Variants in FBXL7 observed in about 807,000 individuals in gnomAD.
FBXL7 encodes F-box/LRR-repeat protein 7.
In FBXL7, 12 loss-of-function variants were observed where a neutral mutation model predicts 38.3. The observed-to-expected ratio is 0.31, with a 90% CI of 0.20 to 0.51. The LOEUF (loss-of-function observed/expected upper bound fraction) is 0.51, where lower values mean the gene tolerates loss of function less well. Among genes scored for constraint, FBXL7 ranks in the 20% least tolerant of loss-of-function variants. The probability of loss-of-function intolerance (pLI) is 0.98; values close to 1 mark genes in which losing one functional copy is unlikely to be tolerated. For missense variants in FBXL7, 567 were observed against 676.4 expected (o/e 0.84, Z 1.79); for synonymous variants, 297 against 300.9 (o/e 0.99, Z 0.13).
chr5:15,616,956 C>A (rs538282793), intron 2 of FBXL7, among the ~76,000 whole-genome samples: 3 of 152,132 alleles, frequency 2.0e-5, no homozygotes, highest in Non-Finnish European at 4.4e-5. Context: ...TGGGATGTTG[C>A]GGAAGCACAC....
chr5:15,859,597 A>G (rs1021332522), intron 2 of FBXL7, among the ~76,000 whole-genome samples: 1 of 152,180 alleles, frequency 6.6e-6, no homozygotes, highest in African/African-American at 2.4e-5. Context: ...GCGGCAGACA[A>G]GAGAGTGTGT....
chr5:15,582,987 T>C (rs988957284), intron 1 of FBXL7, among the ~76,000 whole-genome samples: 9 of 151,746 alleles, frequency 5.9e-5, no homozygotes, highest in African/African-American at 1.9e-4. Context: ...CATACTGCTA[T>C]AAAGAACTTC....
At chr5:15,776,192 A>T (rs914488043) in intron 2 of FBXL7, among the ~76,000 whole-genome samples, 4 of 152,104 alleles carry the variant, frequency 2.6e-5, no homozygotes, top group African/African-American at 9.7e-5. Context: ...GCCGGCCAAC[A>T]TTCGGATTAA....
intron 2 of FBXL7, among the ~76,000 whole-genome samples, chr5:15,901,305 T>A (rs931124036): frequency 1.3e-5 from 2 of 152,218 alleles, no homozygotes; most frequent in Non-Finnish European, 2.9e-5. Context: ...CTTCTGACTG[T>A]GTCTTCACGT....
chr5:15,545,056 T>C (rs1580361997), intron 1 of FBXL7, among the ~76,000 whole-genome samples: 1 of 152,224 alleles, frequency 6.6e-6, no homozygotes, highest in African/African-American at 2.4e-5. Flanking sequence ...GTGGAGGTGC[T>C]GTCTCCCTGC....
At chr5:15,804,601 G>T (rs191869478) in intron 2 of FBXL7, among the ~76,000 whole-genome samples, 3 of 152,120 alleles carry the variant, frequency 2.0e-5, no homozygotes, top group Non-Finnish European at 4.4e-5. Flanking sequence ...CCCCTAGGCC[G>T]CAGACCAGTA....
At chr5:15,730,100 G>T (rs1372027585) in intron 2 of FBXL7, among the ~76,000 whole-genome samples, 1 of 152,056 alleles carries the variant, frequency 6.6e-6, no homozygotes, top group Non-Finnish European at 1.5e-5. Flanking sequence ...TGGCCAGGAA[G>T]ATATATGCCC....
chr5:15,543,268 G>C (rs935349516), intron 1 of FBXL7, among the ~76,000 whole-genome samples: 1 of 152,136 alleles, frequency 6.6e-6, no homozygotes, highest in Non-Finnish European at 1.5e-5. Flanking sequence ...CGTCTTACAT[G>C]GTGGCAGACA....
chr5:15,785,982 A>G (rs973652693), intron 2 of FBXL7, among the ~76,000 whole-genome samples: 1 of 152,236 alleles, frequency 6.6e-6, no homozygotes, highest in African/African-American at 2.4e-5. Context: ...ACAGTATTCA[A>G]ATTGGAATGG....
At chr5:15,788,953 C>T (rs1373674234) in intron 2 of FBXL7, among the ~76,000 whole-genome samples, 1 of 151,536 alleles carries the variant, frequency 6.6e-6, no homozygotes, top group Non-Finnish European at 1.5e-5. Context: ...CGGGTTCATG[C>T]CATTCTCCTG....
chr5:15,581,494 C>A (rs1739139314), intron 1 of FBXL7, among the ~76,000 whole-genome samples: 1 of 152,138 alleles, frequency 6.6e-6, no homozygotes, highest in South Asian at 2.1e-4. Flanking sequence ...GTTCAGCATG[C>A]TGCCTTTCAG....
intron 2 of FBXL7, among the ~76,000 whole-genome samples, chr5:15,809,335 T>C (rs1737794021): frequency 6.6e-6 from 1 of 152,214 alleles, no homozygotes; most frequent in Non-Finnish European, 1.5e-5. Context: ...AAATGATCAC[T>C]GTGGTTAAAA....
At chr5:15,776,483 T>G (rs1461230366) in intron 2 of FBXL7, among the ~76,000 whole-genome samples, 3 of 152,098 alleles carry the variant, frequency 2.0e-5, no homozygotes, top group Non-Finnish European at 4.4e-5. Context: ...ACAAGAAATG[T>G]TGCTTGATAA....
intron 2 of FBXL7, among the ~76,000 whole-genome samples, chr5:15,888,671 G>C (rs936020077): frequency 5.3e-5 from 8 of 152,220 alleles, no homozygotes; most frequent in Non-Finnish European, 1.0e-4. Flanking sequence ...AAGGAAATGA[G>C]GTCTAAGACC....
chr5:15,815,189 C>A (rs1289880096), intron 2 of FBXL7, among the ~76,000 whole-genome samples: 2 of 152,122 alleles, frequency 1.3e-5, no homozygotes, highest in Non-Finnish European at 2.9e-5. Context: ...TTCTCTGTAA[C>A]TATTGGCATT....
chr5:15,520,755 G>GT (rs1334211782), intron 1 of FBXL7, among the ~76,000 whole-genome samples: 2 of 152,108 alleles, frequency 1.3e-5, no homozygotes, highest in East Asian at 1.9e-4. Context: ...TACCAGTTAT[G>GT]TTTTTTCTGT....
intron 2 of FBXL7, among the ~76,000 whole-genome samples, chr5:15,853,827 T>G (rs1739173197): frequency 6.6e-6 from 1 of 152,218 alleles, no homozygotes; most frequent in Non-Finnish European, 1.5e-5. Flanking sequence ...GTGATGGTTT[T>G]AGAAAAATCA....
At chr5:15,894,277 AAAACAAAC>A (rs542092222) in intron 2 of FBXL7, among the ~76,000 whole-genome samples, 2 of 152,174 alleles carry the variant, frequency 1.3e-5, no homozygotes, top group South Asian at 4.1e-4. Context: ...CAAAACAAAC[AAAACAAAC>A]AAACAAACAA....
chr5:15,695,050 C>T (rs6554895), intron 2 of FBXL7, among the ~76,000 whole-genome samples: 80,504 of 152,044 alleles, frequency 0.53, 21,569 homozygotes, highest in East Asian at 0.69. Context: ...ACAGATATTG[C>T]TGCCTGAGTG....
Sources: gnomAD v4.1 joint callset for allele counts (sites outside exome capture counted in the v4.1 genomes callset) on GRCh38, gnomAD v4.1.1 for gene constraint, MANE v1.5 for transcripts, NCBI Gene and HGNC (gene_info 2026-07-23, HGNC 2026-07-21) for gene names.